TRAF6: variants seen among roughly 807,000 people sequenced by gnomAD.
The protein encoded by TRAF6 is TNF receptor-associated factor 6.
In TRAF6, 10 loss-of-function variants were observed where a neutral mutation model predicts 48.4. That is an observed-to-expected ratio of 0.21 (90% CI 0.13 to 0.35). The LOEUF (loss-of-function observed/expected upper bound fraction) is 0.35. Ranked by LOEUF, TRAF6 falls within the 10% of genes least tolerant of loss-of-function variation. TRAF6 has a pLI of 1.00. For synonymous variants in TRAF6, 186 were observed against 219.6 expected (o/e 0.85, Z 1.35); for missense variants, 397 against 661.0 (o/e 0.60, Z 4.38).
At chr11:36,498,138 C>T (rs539226103) in intron 3 of TRAF6, among the ~76,000 whole-genome samples, 9 of 152,242 alleles carry the variant, frequency 5.9e-5, no homozygotes, top group African/African-American at 1.9e-4. Flanking sequence ...CCTGCCTCAG[C>T]CTCCCAAAGT....
chr11:36,486,174 G>A lies in TRAF6; in HGVS notation c.*3664C>T, dbSNP rs148832240. ...CGTGCCTCAGCCTCCCAAGAAGCTG[G>A]GATTACAGGCATGTATCATGACACC... is the stretch of plus-strand genomic sequence containing the variant. On this transcript the variant is annotated 3_prime_UTR_variant, in exon 7 of 7. Coordinates refer to ENST00000526995, the MANE Select transcript of TRAF6 (RefSeq NM_004620.4). Among the ~76,000 whole-genome samples the A allele has an allele frequency of 4.3e-4, 65 of 152,128 alleles. No individual in the cohort carries two copies. The highest frequency in any genetic ancestry group is 1.4e-3 in the African/African-American group (57 of 41,464).
intron 1 of TRAF6, among the ~76,000 whole-genome samples, chr11:36,504,488 T>C (rs117523717): frequency 0.013 from 1,992 of 152,340 alleles, 20 homozygotes; most frequent in Admixed American, 0.02. Flanking sequence ...TTCAGTCATA[T>C]CTTCAGACTC....
intron 5 of TRAF6, among the ~76,000 whole-genome samples, chr11:36,493,230 T>G (rs1462840426): frequency 1.3e-5 from 2 of 152,216 alleles, no homozygotes; most frequent in African/African-American, 2.4e-5. Flanking sequence ...TTCTCTAAGG[T>G]AAGATCCTTT....
rs895140828 is a variant in TRAF6, at chr11:36,485,321, G to C, written c.*4517C>G. Among the ~76,000 whole-genome samples the C allele has an allele frequency of 8.5e-5, 13 of 152,138 alleles. No homozygotes were observed. The highest frequency in any genetic ancestry group is 1.8e-4 in the Non-Finnish European group (12 of 68,042). ...AATAAATGTTCATTATTACGTATTTGAGTGTGTGCAACGTGCCAGGCACTG... is the reference window on the plus strand; with the variant it reads ...AATAAATGTTCATTATTACGTATTTCAGTGTGTGCAACGTGCCAGGCACTG... On this transcript the variant is annotated 3_prime_UTR_variant, in exon 7 of 7. Transcript: ENST00000526995.
In TRAF6 at chr11:36,495,178, T is replaced by A. The variant is rs1379646253; in HGVS notation, c.607-131A>T. Reference sequence around the variant, plus strand: ...TCAATTTGTACAAAGCAAAAGTGAGTGAAAGTGAGAGTAATATATAAAGGC... The same window carrying A: ...TCAATTTGTACAAAGCAAAAGTGAGAGAAAGTGAGAGTAATATATAAAGGC... On this transcript the variant is annotated intron_variant, in intron 4 of 6. Transcript: ENST00000526995. 6.5e-6 allele frequency: 4 copies of A among 617,632 alleles called. No individual in the cohort carries two copies. In the Admixed American group the frequency reaches 8.5e-5, roughly 13 times the overall value. The allele number at this position is 617,632 out of a possible 1,614,324, so 38.3% of individuals were successfully genotyped here.
chr11:36,494,985 G>T lies in TRAF6; in HGVS notation c.669C>A (p.Ile223=). Residue 223 remains isoleucine, a synonymous_variant, in exon 5 of 7, where the codon ATC becomes ATA. Coordinates refer to ENST00000526995, the MANE Select transcript of TRAF6 (RefSeq NM_004620.4). ...VICEYCNTIL[I]REQMPNHYDL... is the part of the protein sequence containing the mutation. ...TGAAAATGAATAATACCTGTTCTCT[G>T]ATGAGTATAGTATTGCAGTATTCAC... 1 of 1,595,444 alleles carries T rather than the reference G, an allele frequency of 6.3e-7. No homozygotes were observed. The highest frequency in any genetic ancestry group is 8.6e-7 in the Non-Finnish European group (1 of 1,165,930).
intron 1 of TRAF6, among the ~76,000 whole-genome samples, chr11:36,504,883 C>T (rs1211975022): frequency 1.3e-5 from 2 of 152,166 alleles, no homozygotes; most frequent in African/African-American, 2.4e-5. Context: ...ACATCTCCAT[C>T]AGAGCTCTTG....
At chr11:36,492,675 T>C (rs1376554644) in intron 5 of TRAF6, 47 bp from the exon 6 acceptor site, 1 of 1,430,496 alleles carries the variant, frequency 7.0e-7, no homozygotes, top group Non-Finnish European at 9.7e-7. Flanking sequence ...TGCATATCAT[T>C]TTCTAGTTTG....
Position 36,497,062 on chromosome 11 carries a change from A to G in TRAF6, c.606+46T>C, listed in dbSNP as rs139010336. 8.4e-5 allele frequency: 135 copies of G among 1,598,062 alleles called. 3 individuals carry two copies. The East Asian group carries it at 3.0e-3, about 35-fold the overall frequency. On this transcript the variant is annotated intron_variant, in intron 4 of 6. Coordinates refer to ENST00000526995, the MANE Select transcript of TRAF6 (RefSeq NM_004620.4). Reference sequence around the variant, plus strand: ...CCCCTCAAGTACACATTTAAGAACAATATTTTAAGAAGTAGTGAATTTAAC... The same window carrying G: ...CCCCTCAAGTACACATTTAAGAACAGTATTTTAAGAAGTAGTGAATTTAAC...
intron 1 of TRAF6, among the ~76,000 whole-genome samples, chr11:36,504,921 G>C (rs1859764645): frequency 6.6e-6 from 1 of 152,198 alleles, no homozygotes; most frequent in African/African-American, 2.4e-5. Context: ...TTAATGAGCA[G>C]TAATATTTTG....
intron 2 of TRAF6, among the ~76,000 whole-genome samples, chr11:36,500,745 A>G (rs1204625587): frequency 6.6e-6 from 1 of 152,126 alleles, no homozygotes; most frequent in Admixed American, 6.6e-5. Flanking sequence ...CCTTCAGTTA[A>G]TACTTTCTTT....
At chr11:36,509,620 G>C (rs892986444) in intron 1 of TRAF6, among the ~76,000 whole-genome samples, 1 of 152,176 alleles carries the variant, frequency 6.6e-6, no homozygotes, top group African/African-American at 2.4e-5. Context: ...GGAAAAAGCG[G>C]AGTTGAGGGG....
chr11:36,492,493 A>G (rs1355583598), intron 6 of TRAF6, 58 bp downstream of exon 6: 13 of 1,313,666 alleles, frequency 9.9e-6, no homozygotes, highest in Admixed American at 5.9e-5. Context: ...TCTCCACTAC[A>G]TGATGTAAAT....
In TRAF6 at chr11:36,490,725, TAAG is replaced by T; in HGVS notation, c.757-78_757-76del. On this transcript the variant is annotated intron_variant, in intron 6 of 6. Transcript: ENST00000526995. This position sits in a 1 kb window ranked among gnomAD's most constrained non-coding sequence, Gnocchi z 6.4. ...AGGAAAAGGACCTGGCCAGGTCAAA[TAAG>T]AAGTTTTCAAGTAGTCACACCACTT... is the stretch of plus-strand genomic sequence containing the variant. 1.4e-6 allele frequency: 2 copies of T among 1,380,336 alleles called. No homozygotes were observed. The highest frequency in any genetic ancestry group is 2.0e-6 in the Non-Finnish European group (2 of 1,016,514). 85.5% of individuals were successfully genotyped at this position (1,380,336 alleles called of 1,614,324 possible).
intron 1 of TRAF6, among the ~76,000 whole-genome samples, chr11:36,509,505 G>C (rs1590651599): frequency 1.3e-5 from 2 of 152,138 alleles, no homozygotes; most frequent in Middle Eastern, 6.8e-3. Flanking sequence ...CCATGACAGT[G>C]ACAGCCGGAG....
chr11:36,506,827 A>C (rs183405976), intron 1 of TRAF6, among the ~76,000 whole-genome samples: 84 of 152,278 alleles, frequency 5.5e-4, no homozygotes, highest in African/African-American at 2.0e-3. Flanking sequence ...TCTATTTTCC[A>C]AATAAACTTT....
chr11:36,496,258 T>C (rs1859631150), intron 4 of TRAF6: 1 of 152,182 alleles, frequency 6.6e-6, no homozygotes. Flanking sequence ...ATGATGCTGT[T>C]AGGCACTACC....
At chr11:36,507,040 C>T (rs918173884) in intron 1 of TRAF6, among the ~76,000 whole-genome samples, 3 of 151,202 alleles carry the variant, frequency 2.0e-5, no homozygotes, top group African/African-American at 7.3e-5. Context: ...ATAACTAACA[C>T]TAAGAGAAGA....
intron 6 of TRAF6, 101 bp downstream of exon 6, chr11:36,492,450 G>T: frequency 3.0e-6 from 3 of 1,001,630 alleles, no homozygotes; most frequent in Non-Finnish European, 4.5e-6. Flanking sequence ...TTATTACACT[G>T]CTTTACAACT....
Sources: allele counts gnomAD v4.1 joint callset (sites outside exome capture counted in the v4.1 genomes callset), GRCh38; gene constraint gnomAD v4.1.1; non-coding constraint Gnocchi (gnomAD v3.1); transcripts MANE v1.5; gene names NCBI Gene and HGNC (gene_info 2026-07-23, HGNC 2026-07-21).